The following GRID1 variants were observed in gnomAD, a reference collection of about 807,000 sequenced individuals.
GRID1 encodes the protein glutamate receptor ionotropic, delta-1.
In GRID1, 28 loss-of-function variants were observed where a neutral mutation model predicts 98.0. That is an observed-to-expected ratio of 0.29 (90% CI 0.21 to 0.39). The LOEUF (loss-of-function observed/expected upper bound fraction) is 0.39, where lower values mean the gene tolerates loss of function less well. GRID1 is among the 10% of genes least tolerant of loss of function. GRID1 has a pLI of 1.00. For synonymous variants in GRID1, 553 were observed against 538.5 expected (o/e 1.03, Z -0.37); for missense variants, 1,111 against 1,340.5 (o/e 0.83, Z 2.67).
chr10:86,079,816 A>G (rs546780062), intron 4 of GRID1, among the ~76,000 whole-genome samples: 1 of 152,362 alleles, frequency 6.6e-6, no homozygotes, highest in Non-Finnish European at 1.5e-5. Context: ...CCTAACAGTT[A>G]TAGAGTAAAT....
intron 4 of GRID1, among the ~76,000 whole-genome samples, chr10:86,086,169 T>C (rs952099827): frequency 6.6e-6 from 1 of 152,104 alleles, no homozygotes. Context: ...CCTTGGCTCC[T>C]TCCTGCCACA....
intron 4 of GRID1, among the ~76,000 whole-genome samples, chr10:86,026,842 A>T (rs529030796): frequency 7.9e-5 from 12 of 152,344 alleles, no homozygotes; most frequent in Admixed American, 2.6e-4. Flanking sequence ...TGTGAATCCC[A>T]GTTCAGCACA....
intron 6 of GRID1, among the ~76,000 whole-genome samples, chr10:85,856,591 A>T (rs1421858130): frequency 2.6e-5 from 4 of 152,242 alleles, no homozygotes; most frequent in African/African-American, 9.6e-5. Context: ...GAAGGTGTCA[A>T]GAGACAGGGC....
At chr10:86,001,672 T>C (rs578175740) in intron 4 of GRID1, among the ~76,000 whole-genome samples, 1 of 152,322 alleles carries the variant, frequency 6.6e-6, no homozygotes, top group East Asian at 1.9e-4. Flanking sequence ...AAGTTTAGCA[T>C]CCAATGATCC....
intron 4 of GRID1, among the ~76,000 whole-genome samples, chr10:86,007,629 A>T (rs1435997841): frequency 5.3e-5 from 8 of 152,246 alleles, no homozygotes; most frequent in African/African-American, 9.6e-5. Context: ...AAAGTCAATT[A>T]AAAAAATTAA....
At chr10:85,986,466 G>A (rs929713368) in intron 4 of GRID1, among the ~76,000 whole-genome samples, 3 of 152,224 alleles carry the variant, frequency 2.0e-5, no homozygotes, top group Admixed American at 6.5e-5. Context: ...GCAGAGACAG[G>A]CCTGATAGGA....
At chr10:86,139,197 C>T (rs17106322) in intron 3 of GRID1, among the ~76,000 whole-genome samples, 173 bp from the exon 4 acceptor site, 8,376 of 152,256 alleles carry the variant, frequency 0.055, 302 homozygotes, top group East Asian at 0.13. Context: ...GGCGTAGACC[C>T]AGCAGCGTTC....
chr10:86,166,646 C>T (rs1456712598), intron 3 of GRID1, among the ~76,000 whole-genome samples: 1 of 152,184 alleles, frequency 6.6e-6, no homozygotes, highest in Non-Finnish European at 1.5e-5. Context: ...CAGCCCAGTT[C>T]CTGGCGCCAC....
At chr10:85,820,035 C>A (rs367804483) in intron 8 of GRID1, among the ~76,000 whole-genome samples, 1,764 of 84,330 alleles carry the variant, frequency 0.021, 16 homozygotes, top group Non-Finnish European at 0.024. Flanking sequence ...GGAAGGCAGG[C>A]AGGCAGGCAG....
intron 3 of GRID1, among the ~76,000 whole-genome samples, chr10:86,179,478 C>T (rs953509205): frequency 5.3e-5 from 8 of 152,246 alleles, no homozygotes; most frequent in Non-Finnish European, 1.2e-4. Flanking sequence ...CTTTCAAGGA[C>T]GGAAACTATG....
chr10:86,364,839 G>C (rs549390362), intron 1 of GRID1, among the ~76,000 whole-genome samples: 4 of 152,374 alleles, frequency 2.6e-5, no homozygotes, highest in Admixed American at 1.3e-4. Flanking sequence ...AGCTGCTCTT[G>C]AAGGGCTTTC....
intron 8 of GRID1, among the ~76,000 whole-genome samples, chr10:85,784,791 C>T (rs931959702): frequency 5.3e-5 from 8 of 152,188 alleles, no homozygotes; most frequent in African/African-American, 1.7e-4. Context: ...TGTGCATGCT[C>T]TATGTGAGCG....
intron 4 of GRID1, among the ~76,000 whole-genome samples, chr10:86,114,600 C>G (rs1336636357): frequency 6.6e-6 from 1 of 152,160 alleles, no homozygotes; most frequent in Non-Finnish European, 1.5e-5. Context: ...CAGGCAGCTC[C>G]CCTCAGACTG....
chr10:85,724,553 T>C lies in GRID1; in HGVS notation c.1657A>G (p.Ser553Gly), dbSNP rs760909421. ...ILIKKPEEKISIFSLFAPFDF... is the reference protein window; with the variant it reads ...ILIKKPEEKIGIFSLFAPFDF... Reference sequence around the variant, plus strand: ...AATGGAGCAAAGAGGGAGAAGATGCTGATTTTCTCCTCGGGCTTCTTAATT... The same window carrying C: ...AATGGAGCAAAGAGGGAGAAGATGCCGATTTTCTCCTCGGGCTTCTTAATT... Residue 553 changes from serine (S) to glycine (G), a missense_variant, in exon 11 of 16, where the codon AGC becomes GGC. Around this residue, in one of 3 missense-constraint regions of GRID1, gnomAD observed 762 missense variants for 869.1 expected, o/e 0.88. Coordinates refer to ENST00000327946, the MANE Select transcript of GRID1 (RefSeq NM_017551.3). 6.2e-7 allele frequency: 1 copy of C among 1,613,738 alleles called. No homozygotes were observed. The highest frequency in any genetic ancestry group is 8.5e-7 in the Non-Finnish European group (1 of 1,179,950).
rs183408446 is a variant in GRID1 at position 85,693,829 on chromosome 10, T to C, written c.1997+29174A>G. On this transcript the variant is annotated intron_variant, in intron 12 of 15. Transcript: ENST00000327946. Reference sequence around the variant, plus strand: ...ACATGTAAGACTGAAACTACAGAAATACTAGAAGAAAACCAAGGGCAAACC... The same window carrying C: ...ACATGTAAGACTGAAACTACAGAAACACTAGAAGAAAACCAAGGGCAAACC... Among the ~76,000 whole-genome samples the C allele has an allele frequency of 8.5e-5, 13 of 152,160 alleles. No individual in the cohort carries two copies. The East Asian group carries it at 2.5e-3, about 29-fold the overall frequency.
intron 12 of GRID1, among the ~76,000 whole-genome samples, chr10:85,717,349 A>C (rs1841651440): frequency 6.6e-6 from 1 of 152,186 alleles, no homozygotes; most frequent in Non-Finnish European, 1.5e-5. Context: ...ATTGGACTTA[A>C]AGTTCCAAAT....
At chr10:86,040,252 C>T (rs1415435333) in intron 4 of GRID1, among the ~76,000 whole-genome samples, 1 of 151,968 alleles carries the variant, frequency 6.6e-6, no homozygotes, top group Non-Finnish European at 1.5e-5. Context: ...GGTATATATC[C>T]AAAGGAAATA....
rs138220780 is a variant in GRID1 at position 86,066,663 on chromosome 10, A to G, written c.726+72156T>C. ...TACTCTTGCAGGTGTGATGTGATAT[A>G]ATGTGATATGCTCAGCAAATGATAA... On this transcript the variant is annotated intron_variant, in intron 4 of 15. Transcript: ENST00000327946. 2.0e-3 allele frequency among the ~76,000 whole-genome samples: 300 copies of G among 152,322 alleles called. 1 individual carries two copies. The highest frequency in any genetic ancestry group is 7.0e-3 in the African/African-American group (290 of 41,566).
At chr10:85,934,662 C>T (rs1349153185) in intron 4 of GRID1, among the ~76,000 whole-genome samples, 1 of 152,064 alleles carries the variant, frequency 6.6e-6, no homozygotes, top group African/African-American at 2.4e-5. Context: ...TTTCCTAATC[C>T]TTTTTTTGTA....
Sources: allele counts gnomAD v4.1 joint callset (sites outside exome capture counted in the v4.1 genomes callset), GRCh38; gene constraint gnomAD v4.1.1; regional missense constraint gnomAD v4.1.1; transcripts MANE v1.5; gene names NCBI Gene and HGNC (gene_info 2026-07-23, HGNC 2026-07-21).